OPCML: variants seen among roughly 807,000 people sequenced by gnomAD.
The protein encoded by OPCML is opioid-binding protein/cell adhesion molecule.
In OPCML, 13 loss-of-function variants were observed where a neutral mutation model predicts 37.8. The ratio of observed to expected loss-of-function variants is 0.34; its 90% CI spans 0.22 to 0.55. The LOEUF (loss-of-function observed/expected upper bound fraction) is 0.55. Among genes scored for constraint, OPCML ranks in the 20% least tolerant of loss-of-function variants. The probability of loss-of-function intolerance (pLI) is 0.91; values close to 1 mark genes in which losing one functional copy is unlikely to be tolerated. For synonymous variants in OPCML, 176 were observed against 168.8 expected (o/e 1.04, Z -0.33); for missense variants, 341 against 435.6 (o/e 0.78, Z 1.93).
Position 133,312,323 on chromosome 11 carries a change from C to T in OPCML, c.61+219941G>A, listed in dbSNP as rs573872106. Among the ~76,000 whole-genome samples, 11 of 152,310 alleles carry T rather than the reference C, an allele frequency of 7.2e-5. No individual in the cohort carries two copies. In the South Asian group the frequency reaches 2.3e-3, roughly 32 times the overall value. On this transcript the variant is annotated intron_variant, in intron 1 of 7. Coordinates refer to ENST00000524381, the MANE Select transcript of OPCML (RefSeq NM_001012393.5). ...CCACCATCACTACTATCACAAAGGA[C>T]ATCATCAACAGCAACAACAAAACAC...
intron 4 of OPCML, among the ~76,000 whole-genome samples, chr11:132,453,442 G>T (rs2096073614): frequency 6.6e-6 from 1 of 152,156 alleles, no homozygotes; most frequent in Non-Finnish European, 1.5e-5. Flanking sequence ...TCATTCCCAG[G>T]GGCATCCCCA....
intron 1 of OPCML, among the ~76,000 whole-genome samples, chr11:133,195,086 C>A (rs901513739): frequency 6.6e-6 from 1 of 152,136 alleles, no homozygotes; most frequent in East Asian, 1.9e-4. Flanking sequence ...AGTAAGTTGT[C>A]GGATTCCAGA....
chr11:133,484,790 T>C (rs1378260432), intron 1 of OPCML, among the ~76,000 whole-genome samples: 1 of 152,204 alleles, frequency 6.6e-6, no homozygotes, highest in East Asian at 1.9e-4. Flanking sequence ...CAAAGATTTA[T>C]CAATGATAAG....
At chr11:133,047,339 T>C (rs1326925527) in intron 1 of OPCML, among the ~76,000 whole-genome samples, 2 of 152,234 alleles carry the variant, frequency 1.3e-5, no homozygotes, top group African/African-American at 4.8e-5. Context: ...CAGCTATTCA[T>C]ACTATGGCTT....
At chr11:132,826,640 A>G (rs551601265) in intron 2 of OPCML, among the ~76,000 whole-genome samples, 2 of 152,338 alleles carry the variant, frequency 1.3e-5, no homozygotes, top group South Asian at 4.1e-4. Context: ...TTTAGCTATC[A>G]GTGATCCACT....
chr11:133,503,377 T>C (rs1947958073), intron 1 of OPCML, among the ~76,000 whole-genome samples: 1 of 152,104 alleles, frequency 6.6e-6, no homozygotes, highest in Admixed American at 6.5e-5. Context: ...ACTCAGCTGG[T>C]CAACAACCCC....
intron 2 of OPCML, among the ~76,000 whole-genome samples, chr11:132,802,206 C>A (rs1414451231): frequency 6.6e-6 from 1 of 152,218 alleles, no homozygotes; most frequent in Non-Finnish European, 1.5e-5. Flanking sequence ...ACCCTCTTAA[C>A]TCTTTCTCCT....
intron 1 of OPCML, among the ~76,000 whole-genome samples, chr11:133,311,555 A>G (rs1943067824): frequency 6.6e-6 from 1 of 152,198 alleles, no homozygotes; most frequent in South Asian, 2.1e-4. Context: ...AGGAGAAGAA[A>G]TAAACTCTAA....
chr11:133,051,226 C>T (rs966759513), intron 1 of OPCML, among the ~76,000 whole-genome samples: 1 of 152,182 alleles, frequency 6.6e-6, no homozygotes, highest in Non-Finnish European at 1.5e-5. Context: ...TTTCTCTGTG[C>T]CAAGCACTGT....
At chr11:133,381,088 G>A (rs537245450) in intron 1 of OPCML, among the ~76,000 whole-genome samples, 2 of 152,354 alleles carry the variant, frequency 1.3e-5, no homozygotes, top group African/African-American at 4.8e-5. Context: ...CTGGCAGCAG[G>A]GAAGCCTGAC....
chr11:132,865,185 C>T (rs777963167), intron 2 of OPCML, among the ~76,000 whole-genome samples: 1 of 152,178 alleles, frequency 6.6e-6, no homozygotes, highest in Non-Finnish European at 1.5e-5. Context: ...CACACACATA[C>T]GCGCGCACGC....
chr11:132,692,884 C>T (rs1331811420), intron 2 of OPCML, among the ~76,000 whole-genome samples: 1 of 152,184 alleles, frequency 6.6e-6, no homozygotes, highest in East Asian at 1.9e-4. Flanking sequence ...CTGGCTTTAA[C>T]AATTCCTCTA....
chr11:133,447,093 A>C lies in OPCML; in HGVS notation c.61+85171T>G, dbSNP rs547211388. Among the ~76,000 whole-genome samples, 90 of 152,312 alleles carry C rather than the reference A, an allele frequency of 5.9e-4. 2 individuals carry two copies. In the South Asian group the frequency reaches 0.018, roughly 31 times the overall value. The stretch of plus-strand genomic sequence containing the variant: ...CATATATTAAGTTTATGTTTTCATT[A>C]AAGTGTTTATTAAACTGCCAAACTC... On this transcript the variant is annotated intron_variant, in intron 1 of 7. Coordinates refer to ENST00000524381, the MANE Select transcript of OPCML (RefSeq NM_001012393.5).
chr11:132,771,606 G>A (rs1946636574), intron 2 of OPCML: 2 of 152,262 alleles, frequency 1.3e-5, no homozygotes, highest in South Asian at 2.1e-4. Flanking sequence ...TGCATGGCAC[G>A]GTTCACACAC....
At chr11:132,856,054 G>A (rs547554486) in intron 2 of OPCML, among the ~76,000 whole-genome samples, 3 of 152,182 alleles carry the variant, frequency 2.0e-5, no homozygotes, top group African/African-American at 7.2e-5. Context: ...GGAGTGCTTT[G>A]ACTATAAGAC....
intron 3 of OPCML, among the ~76,000 whole-genome samples, chr11:132,534,134 T>C (rs780076347): frequency 1.3e-5 from 2 of 152,010 alleles, no homozygotes; most frequent in African/African-American, 2.4e-5. Context: ...ATTCTTCACA[T>C]GTGTAATTTT....
intron 3 of OPCML, among the ~76,000 whole-genome samples, chr11:132,566,740 G>A (rs969430963): frequency 6.6e-6 from 1 of 152,122 alleles, no homozygotes; most frequent in African/African-American, 2.4e-5. Flanking sequence ...GAAAACAAGT[G>A]CTATAAAAGC....
intron 3 of OPCML, among the ~76,000 whole-genome samples, chr11:132,534,677 T>G (rs1394885770): frequency 6.6e-6 from 1 of 152,198 alleles, no homozygotes; most frequent in Non-Finnish European, 1.5e-5. Context: ...CCAATAGACC[T>G]GCTTGGCATT....
chr11:133,150,741 C>T (rs1949968858), intron 1 of OPCML, among the ~76,000 whole-genome samples: 1 of 152,032 alleles, frequency 6.6e-6, no homozygotes, highest in South Asian at 2.1e-4. Context: ...GGAAAGAAAC[C>T]TGCAGGAATC....
Sources: allele counts gnomAD v4.1 joint callset (sites outside exome capture counted in the v4.1 genomes callset), GRCh38; gene constraint gnomAD v4.1.1; transcripts MANE v1.5; gene names NCBI Gene and HGNC (gene_info 2026-07-23, HGNC 2026-07-21).